Variants in PPM1L observed in about 807,000 individuals in gnomAD.
The protein encoded by PPM1L is protein phosphatase 1L.
In PPM1L, 13 loss-of-function variants were observed where a neutral mutation model predicts 31.4. The observed-to-expected ratio is 0.41, with a 90% CI of 0.27 to 0.66. PPM1L has a LOEUF of 0.66. Among genes scored for constraint, PPM1L ranks in the 30% least tolerant of loss-of-function variants. The pLI is 0.29. For missense variants in PPM1L, 326 were observed against 453.7 expected (o/e 0.72, Z 2.56); for synonymous variants, 184 against 175.4 (o/e 1.05, Z -0.39).
At chr3:161,049,254 G>T (rs1440452423) in intron 2 of PPM1L, among the ~76,000 whole-genome samples, 1 of 151,408 alleles carries the variant, frequency 6.6e-6, no homozygotes, top group Non-Finnish European at 1.5e-5. Context: ...CTCTAGCCTG[G>T]GCAGCAAAGT....
At chr3:160,946,642 TTC>T (rs1461699152) in intron 1 of PPM1L, among the ~76,000 whole-genome samples, 2 of 152,142 alleles carry the variant, frequency 1.3e-5, no homozygotes, top group Non-Finnish European at 2.9e-5. Flanking sequence ...GTGGGCAACT[TTC>T]TGTGTGGAAT....
rs1360494578 is a variant in PPM1L, at chr3:160,831,054, T to A, written c.399+74347T>A. Reference sequence around the variant, plus strand: ...GCACCCAAGGGGGTTTAATATTGGATGCATTGGAATGCTCTTGTTTATACA... The same window carrying A: ...GCACCCAAGGGGGTTTAATATTGGAAGCATTGGAATGCTCTTGTTTATACA... On this transcript the variant is annotated intron_variant, in intron 1 of 3. Coordinates refer to ENST00000498165, the MANE Select transcript of PPM1L (RefSeq NM_139245.4). 3.3e-5 allele frequency among the ~76,000 whole-genome samples: 5 copies of A among 152,348 alleles called. No homozygotes were observed. In the South Asian group the frequency reaches 1.0e-3, roughly 32 times the overall value.
At chr3:160,969,460 T>TA (rs1223635368) in intron 2 of PPM1L, among the ~76,000 whole-genome samples, 1 of 152,166 alleles carries the variant, frequency 6.6e-6, no homozygotes, top group Non-Finnish European at 1.5e-5. Flanking sequence ...AAATTGAACA[T>TA]ACATCCAGCA....
chr3:160,764,708 T>C (rs1272112337), intron 1 of PPM1L, among the ~76,000 whole-genome samples: 5 of 152,224 alleles, frequency 3.3e-5, no homozygotes, highest in African/African-American at 9.6e-5. Flanking sequence ...CCTCAGGCAA[T>C]CTGCCCCCCT....
chr3:160,904,604 TG>T (rs1713678408), intron 1 of PPM1L, among the ~76,000 whole-genome samples: 2 of 152,136 alleles, frequency 1.3e-5, no homozygotes, highest in African/African-American at 4.8e-5. Context: ...AAATTCTTAT[TG>T]ACCTTGCCTT....
At chr3:161,054,607 G>A (rs1424885275) in intron 2 of PPM1L, among the ~76,000 whole-genome samples, 1 of 152,062 alleles carries the variant, frequency 6.6e-6, no homozygotes, top group Non-Finnish European at 1.5e-5. Context: ...GGTAGCAATG[G>A]CCTGCCCTGA....
intron 1 of PPM1L, among the ~76,000 whole-genome samples, chr3:160,911,941 T>A (rs1425177469): frequency 6.6e-6 from 1 of 152,200 alleles, no homozygotes; most frequent in East Asian, 1.9e-4. Flanking sequence ...GTAGTTTGTA[T>A]CTCTGCATTC....
At chr3:160,841,146 A>C (rs1041664017) in intron 1 of PPM1L, among the ~76,000 whole-genome samples, 1 of 152,068 alleles carries the variant, frequency 6.6e-6, no homozygotes, top group African/African-American at 2.4e-5. Flanking sequence ...ATTGTGAGTC[A>C]TCTTGGAATT....
chr3:160,849,271 A>T (rs2108111337), intron 1 of PPM1L, among the ~76,000 whole-genome samples: 1 of 152,290 alleles, frequency 6.6e-6, no homozygotes, highest in South Asian at 2.1e-4. Context: ...CTAGACCTAG[A>T]ATGACTTGGG....
At chr3:161,005,062 A>G (rs1227119318) in intron 2 of PPM1L, among the ~76,000 whole-genome samples, 1 of 151,564 alleles carries the variant, frequency 6.6e-6, no homozygotes, top group Admixed American at 6.6e-5. Context: ...ATTGATTTCA[A>G]AGAACATCTT....
rs932516202 is a variant in PPM1L at position 161,074,243 on chromosome 3, C to T, written c.*5086C>T. 28 of 152,272 alleles carry T rather than the reference C, an allele frequency of 1.8e-4. No homozygotes were observed. Among genetic ancestry groups the T allele is most frequent in the African/African-American group, 6.5e-4 (27 of 41,554 alleles). The allele number at this position is 152,272 out of a possible 1,614,324, so 9.4% of individuals were successfully genotyped here. A position where few individuals can be genotyped will look rare whatever the true frequency, so the allele number is the denominator to read the frequency against. ...TCTAAAACTCCTGTCCCATATCATC[C>T]CACCTTTCATGTTTTATGTACATAG... On this transcript the variant is annotated 3_prime_UTR_variant, in exon 4 of 4. Transcript: ENST00000498165.
At chr3:160,901,486 C>T (rs1320530148) in intron 1 of PPM1L, among the ~76,000 whole-genome samples, 1 of 152,098 alleles carries the variant, frequency 6.6e-6, no homozygotes, top group East Asian at 1.9e-4. Context: ...TAAAATTCTC[C>T]TCCTCACCCA....
chr3:160,919,703 C>T (rs1714322507), intron 1 of PPM1L, among the ~76,000 whole-genome samples: 1 of 151,958 alleles, frequency 6.6e-6, no homozygotes, highest in African/African-American at 2.4e-5. Context: ...AGTTTGTCAG[C>T]TTAGTTTGTT....
intron 2 of PPM1L, among the ~76,000 whole-genome samples, chr3:161,039,045 T>C (rs1410301273): frequency 6.6e-6 from 1 of 152,168 alleles, no homozygotes; most frequent in Non-Finnish European, 1.5e-5. Context: ...CGTCAGGAAG[T>C]TACCCTATAT....
intron 2 of PPM1L, among the ~76,000 whole-genome samples, chr3:160,995,474 C>T (rs973215730): frequency 2.0e-5 from 3 of 152,046 alleles, no homozygotes; most frequent in African/African-American, 7.2e-5. Context: ...GTGCCTGCCA[C>T]CACACCCAGC....
intron 2 of PPM1L, among the ~76,000 whole-genome samples, chr3:160,972,787 A>C (rs1003245970): frequency 6.6e-6 from 1 of 152,068 alleles, no homozygotes; most frequent in Admixed American, 6.5e-5. Context: ...TGACTTCCAC[A>C]ATGGTTGAAC....
chr3:160,888,465 C>T lies in PPM1L; in HGVS notation c.400-73271C>T, dbSNP rs368814045. Among the ~76,000 whole-genome samples the T allele has an allele frequency of 2.2e-4, 33 of 152,280 alleles. 1 individual carries two copies. The East Asian group carries it at 3.1e-3, about 14-fold the overall frequency. ...TTACATAATGGTAAAGGAAACAATT[C>T]AACAAGAAGGGCTAACTATCCAAAT... On this transcript the variant is annotated intron_variant, in intron 1 of 3. Transcript: ENST00000498165.
chr3:160,843,048 G>GT (rs1435899576), intron 1 of PPM1L, among the ~76,000 whole-genome samples: 1 of 151,418 alleles, frequency 6.6e-6, no homozygotes, highest in Non-Finnish European at 1.5e-5. Flanking sequence ...TTCTTAATAA[G>GT]TTACACTTAT....
intron 1 of PPM1L, among the ~76,000 whole-genome samples, chr3:160,933,225 A>C (rs184903433): frequency 1.3e-5 from 2 of 152,188 alleles, no homozygotes; most frequent in Non-Finnish European, 2.9e-5. Context: ...TAGAAATGGC[A>C]CAGAAAGCAA....
Sources: gnomAD v4.1 joint callset for allele counts (sites outside exome capture counted in the v4.1 genomes callset) on GRCh38, gnomAD v4.1.1 for gene constraint, MANE v1.5 for transcripts, NCBI Gene and HGNC (gene_info 2026-07-23, HGNC 2026-07-21) for gene names.